MTMR9: variants seen among roughly 807,000 people sequenced by gnomAD.
The protein encoded by MTMR9 is myotubularin-related protein 9.
A neutral mutation model predicts 69.5 loss-of-function variants in MTMR9; 39 were observed. That is an observed-to-expected ratio of 0.56 (90% confidence interval 0.43 to 0.73). The LOEUF (loss-of-function observed/expected upper bound fraction) is 0.73, where lower values mean the gene tolerates loss of function less well. MTMR9 is among the 30% of genes least tolerant of loss of function. The pLI, the probability that MTMR9 is intolerant of heterozygous loss-of-function variation, is 0.00. For synonymous variants in MTMR9, 354 were observed against 240.8 expected, an observed-to-expected ratio of 1.47 and a Z score of -4.35; for missense variants, 900 against 671.2, an observed-to-expected ratio of 1.34 and a Z score of -3.77.
chr8:11,320,041 G>A (rs1042347423), intron 9 of MTMR9: 1 of 502,834 alleles, frequency 2.0e-6, no homozygotes, highest in Non-Finnish European at 3.5e-6. Context: ...AGTTACCATT[G>A]AGAAATTAAC....
Position 11,327,685 on chromosome 8 carries a change from T to C in MTMR9, c.*4897T>C, listed in dbSNP as rs1273108641. ...ATAATATTTGAATGTGACTCTTGGA[T>C]TTAAGTGCACTATTATTCATGGCTT... On this transcript the variant is annotated 3_prime_UTR_variant, in exon 10 of 10. Transcript: ENST00000221086. The C allele has an allele frequency of 6.5e-6, 1 of 152,682 alleles. No individual in the cohort carries two copies. The highest frequency in any genetic ancestry group is 1.9e-4 in the East Asian group (1 of 5,206). 9.5% of individuals were successfully genotyped at this position (152,682 alleles called of 1,614,324 possible).
intron 1 of MTMR9, among the ~76,000 whole-genome samples, chr8:11,287,761 T>A (rs1376151174): frequency 3.9e-5 from 5 of 127,794 alleles, no homozygotes; most frequent in Non-Finnish European, 6.5e-5. Context: ...TATTTATTAT[T>A]TATTTATTAT....
intron 1 of MTMR9, among the ~76,000 whole-genome samples, chr8:11,293,917 A>G (rs1054500949): frequency 1.3e-5 from 2 of 152,090 alleles, no homozygotes; most frequent in South Asian, 2.1e-4. Flanking sequence ...TCATCATGTC[A>G]TTTTCACACT....
At chr8:11,337,175 G>C in the MTMR9 span, among the ~76,000 whole-genome samples, 4 of 152,144 alleles carry the variant, frequency 2.6e-5, no homozygotes, top group African/African-American at 9.7e-5. Context: ...CTGCATTCTA[G>C]ACTTGTTGCC....
intron 1 of MTMR9, among the ~76,000 whole-genome samples, chr8:11,292,264 C>T (rs1799401613): frequency 6.6e-6 from 1 of 152,114 alleles, no homozygotes; most frequent in African/African-American, 2.4e-5. Context: ...CAATTTGAGG[C>T]TATTAAATAA....
downstream of MTMR9, chr8:11,330,918 A>G: frequency 2.8e-6 from 3 of 1,080,188 alleles, no homozygotes; most frequent in Non-Finnish European, 1.2e-6. Context: ...ATCAATTAAA[A>G]AAAAAAAAAA....
intron 1 of MTMR9, among the ~76,000 whole-genome samples, chr8:11,288,090 T>TATAATTATTCACCTAATTATATTAA (rs958648181): frequency 2.1e-4 from 27 of 131,254 alleles, no homozygotes; most frequent in African/African-American, 7.7e-4. Context: ...ATATAATATA[T>TATAATTATTCACCTAATTATATTAA]ATAATTATTC....
At chr8:11,301,025 G>A (rs1283374087) in intron 3 of MTMR9, among the ~76,000 whole-genome samples, 17 of 152,150 alleles carry the variant, frequency 1.1e-4, no homozygotes, top group Admixed American at 1.0e-3. Flanking sequence ...TGAATGGGTG[G>A]TGCTATGTTC....
intron 6 of MTMR9, 21 bp downstream of exon 6, chr8:11,309,709 C>G (rs370534413): frequency 7.5e-6 from 12 of 1,610,648 alleles, no homozygotes; most frequent in African/African-American, 1.3e-5. Context: ...TTTCAGCGTT[C>G]CTGAGCGAAA....
intron 5 of MTMR9, among the ~76,000 whole-genome samples, chr8:11,306,685 C>T (rs186812614): frequency 1.1e-4 from 16 of 152,152 alleles, no homozygotes; most frequent in African/African-American, 3.9e-4. Flanking sequence ...GCATAGTTAT[C>T]ATTTTTTTGG....
chr8:11,295,855 G>A (rs760104653), intron 2 of MTMR9, among the ~76,000 whole-genome samples: 1 of 152,138 alleles, frequency 6.6e-6, no homozygotes, highest in Non-Finnish European at 1.5e-5. Flanking sequence ...AGTAGGTAGG[G>A]ACTGGGGGGA....
In MTMR9 at chr8:11,306,196, A is replaced by T; in HGVS notation, c.598A>T (p.Met200Leu). Residue 200 changes from methionine (M) to leucine (L), a missense_variant, in exon 5 of 10, where the codon ATG becomes TTG. Transcript: ENST00000221086. ...AGCTTTATTATGCTTCTAGGTAATT[A>T]TGCGAAGTGGTCAGCCACTCACTGG... ...YYHKKNGMVI[M>L]RSGQPLTGTN... 1 of 1,612,726 alleles carries T rather than the reference A, an allele frequency of 6.2e-7. No individual in the cohort carries two copies. Among genetic ancestry groups the T allele is most frequent in the Non-Finnish European group, 8.5e-7 (1 of 1,179,826 alleles).
rs932529856 is a variant in MTMR9 at position 11,324,269 on chromosome 8, A to G, written c.*1481A>G. ...TTGAAAATGGCAAATACTTTTCATC[A>G]CCAATTGCCCAATTCATCTTTCTTC... On this transcript the variant is annotated 3_prime_UTR_variant, in exon 10 of 10. Coordinates refer to ENST00000221086, the MANE Select transcript of MTMR9 (RefSeq NM_015458.4). 1 of 152,164 alleles carries G rather than the reference A, an allele frequency of 6.6e-6. No homozygotes were observed. The highest frequency in any genetic ancestry group is 2.4e-5 in the African/African-American group (1 of 41,432). The allele number at this position is 152,164 out of a possible 1,614,324, so 9.4% of individuals were successfully genotyped here. A position where few individuals can be genotyped will look rare whatever the true frequency, so the allele number is the denominator to read the frequency against.
At chr8:11,311,218 A>G (rs982747849) in intron 6 of MTMR9, among the ~76,000 whole-genome samples, 2 of 152,210 alleles carry the variant, frequency 1.3e-5, no homozygotes, top group Admixed American at 6.5e-5. Flanking sequence ...GCCTAACCAT[A>G]AGTGACTTCA....
At chr8:11,293,255 T>C (rs965817474) in intron 1 of MTMR9, among the ~76,000 whole-genome samples, 1 of 152,186 alleles carries the variant, frequency 6.6e-6, no homozygotes, top group African/African-American at 2.4e-5. Flanking sequence ...AATTTTTTAA[T>C]TGGAAAAAGC....
downstream of MTMR9, among the ~76,000 whole-genome samples, chr8:11,330,170 C>T (rs1334570956): frequency 1.1e-4 from 17 of 151,556 alleles, no homozygotes; most frequent in South Asian, 2.1e-4. Context: ...AGCCCCCGCC[C>T]GGCCAGCCGC....
downstream of MTMR9, among the ~76,000 whole-genome samples, chr8:11,329,893 C>T (rs1316725749): frequency 2.0e-5 from 3 of 151,976 alleles, no homozygotes; most frequent in Admixed American, 1.3e-4. Context: ...AGCTGCCCAT[C>T]ATCTGAGATG....
At position 11,300,126 on chromosome 8, in the gene MTMR9, A is replaced by C. The variant is rs536024029; in HGVS notation, c.395A>C (p.Glu132Ala). 3 of 1,613,378 alleles carry C rather than the reference A, an allele frequency of 1.9e-6. No homozygotes were observed. The highest frequency in any genetic ancestry group is 4.5e-5 in the East Asian group (2 of 44,838). ...DGWHSFLPEQ[E>A]FELYSSATSE... ...TGGCATTCCTTCCTTCCTGAGCAAGAATTTGAACTCTATTCTTCAGCTGTG... is the reference window on the plus strand; with the variant it reads ...TGGCATTCCTTCCTTCCTGAGCAAGCATTTGAACTCTATTCTTCAGCTGTG... Residue 132 changes from glutamate to alanine, a missense_variant, in exon 3 of 10, where the codon GAA becomes GCA. Glu to Ala is a moderately radical substitution (Grantham distance 107). Coordinates refer to ENST00000221086, the MANE Select transcript of MTMR9 (RefSeq NM_015458.4).
intron 1 of MTMR9, among the ~76,000 whole-genome samples, chr8:11,289,676 G>A (rs924930857): frequency 5.9e-5 from 9 of 152,128 alleles, no homozygotes; most frequent in South Asian, 2.1e-4. Flanking sequence ...AAAATAGATA[G>A]CACTATTGTG....
Sources: gnomAD v4.1 joint callset for allele counts (sites outside exome capture counted in the v4.1 genomes callset) on GRCh38, gnomAD v4.1.1 for gene constraint, MANE v1.5 for transcripts, NCBI Gene and HGNC (gene_info 2026-07-23, HGNC 2026-07-21) for gene names.